Variants in XPR1 observed in about 807,000 individuals in gnomAD.
XPR1 encodes xenotropic and polytropic retrovirus receptor 1.
In XPR1, 28 loss-of-function variants were observed where a neutral mutation model predicts 87.5. The observed-to-expected ratio is 0.32, with a 90% CI of 0.24 to 0.44. The LOEUF is 0.44. Among genes scored for constraint, XPR1 ranks in the 20% least tolerant of loss-of-function variants. XPR1 has a pLI of 1.00. For synonymous variants in XPR1, 300 were observed against 306.1 expected, an observed-to-expected ratio of 0.98 and a Z score of 0.21; for missense variants, 559 against 862.3, an observed-to-expected ratio of 0.65 and a Z score of 4.41.
At chr1:180,761,096 A>C (rs996189230) in intron 2 of XPR1, among the ~76,000 whole-genome samples, 1 of 152,174 alleles carries the variant, frequency 6.6e-6, no homozygotes, top group Non-Finnish European at 1.5e-5. Flanking sequence ...CCTTCCTTAC[A>C]CCTTATAGAA....
chr1:180,664,551 T>A (rs1297620207), intron 1 of XPR1, among the ~76,000 whole-genome samples: 1 of 152,136 alleles, frequency 6.6e-6, no homozygotes, highest in Non-Finnish European at 1.5e-5. Flanking sequence ...CCCTACCCTC[T>A]CTTCACACAG....
intron 1 of XPR1, among the ~76,000 whole-genome samples, chr1:180,673,588 C>T (rs999775590): frequency 2.1e-4 from 32 of 152,218 alleles, no homozygotes; most frequent in Non-Finnish European, 1.9e-4. Context: ...GTGTGTATTA[C>T]CGCCTGAGCT....
At chr1:180,660,050 T>C (rs1655712334) in intron 1 of XPR1, among the ~76,000 whole-genome samples, 1 of 152,168 alleles carries the variant, frequency 6.6e-6, no homozygotes, top group African/African-American at 2.4e-5. Flanking sequence ...TCTTACTTGT[T>C]ATTGGTCTGT....
intron 2 of XPR1, among the ~76,000 whole-genome samples, chr1:180,728,409 C>T (rs1658435613): frequency 6.6e-6 from 1 of 151,672 alleles, no homozygotes; most frequent in Admixed American, 6.6e-5. Flanking sequence ...AAGGAAAATG[C>T]AATTACTTAG....
chr1:180,715,822 G>A lies in XPR1; in HGVS notation c.121+33411G>A, dbSNP rs566801360. Among the ~76,000 whole-genome samples the A allele has an allele frequency of 1.4e-3, 217 of 152,074 alleles. 1 individual carries two copies. Among genetic ancestry groups the A allele is most frequent in the South Asian group, 2.9e-3 (14 of 4,804 alleles). ...TGAGTAGCTGGAATTACAAGTGTGC[G>A]CCCCCACACCCAGCTAATTTTTGTA... is the stretch of plus-strand genomic sequence containing the variant. On this transcript the variant is annotated intron_variant, in intron 2 of 14. Coordinates refer to ENST00000367590, the MANE Select transcript of XPR1 (RefSeq NM_004736.4).
At chr1:180,846,931 G>A (rs1651705209) in intron 11 of XPR1, among the ~76,000 whole-genome samples, 1 of 151,364 alleles carries the variant, frequency 6.6e-6, no homozygotes, top group African/African-American at 2.4e-5. Flanking sequence ...TTGATAAGTA[G>A]CATTTGTATT....
At chr1:180,741,896 T>G (rs1658934142) in intron 2 of XPR1, among the ~76,000 whole-genome samples, 2 of 152,238 alleles carry the variant, frequency 1.3e-5, no homozygotes, top group African/African-American at 4.8e-5. Context: ...TTTGAGGAAT[T>G]GATCTGTTTT....
chr1:180,787,367 T>C (rs1200427546), intron 2 of XPR1, among the ~76,000 whole-genome samples: 1 of 151,828 alleles, frequency 6.6e-6, no homozygotes, highest in African/African-American at 2.4e-5. Flanking sequence ...AGTGGTGCAA[T>C]CTTGGCTCAC....
At chr1:180,662,902 GTTA>G (rs140913627) in intron 1 of XPR1, among the ~76,000 whole-genome samples, 5,163 of 152,012 alleles carry the variant, frequency 0.034, 130 homozygotes, top group African/African-American at 0.07. Flanking sequence ...GATCACTTCT[GTTA>G]TTAAGAGACT....
intron 1 of XPR1, among the ~76,000 whole-genome samples, chr1:180,665,952 CCTAA>C (rs1015183882): frequency 3.3e-5 from 5 of 152,116 alleles, no homozygotes; most frequent in South Asian, 4.1e-4. Context: ...CTCTGCCTCC[CCTAA>C]CTATGATTTT....
At chr1:180,792,222 T>C (rs1332318543) in intron 3 of XPR1, among the ~76,000 whole-genome samples, 1 of 152,210 alleles carries the variant, frequency 6.6e-6, no homozygotes, top group African/African-American at 2.4e-5. Context: ...CTCCACCCAC[T>C]TATATCTCAC....
chr1:180,839,843 A>T (rs75502662), intron 11 of XPR1, among the ~76,000 whole-genome samples: 2,478 of 152,316 alleles, frequency 0.016, 36 homozygotes, highest in Non-Finnish European at 0.027. Context: ...GGAGATTCTA[A>T]TGAAAGAAAA....
At chr1:180,685,018 C>G (rs1378590257) in intron 2 of XPR1, among the ~76,000 whole-genome samples, 1 of 151,988 alleles carries the variant, frequency 6.6e-6, no homozygotes, top group Non-Finnish European at 1.5e-5. Context: ...ACTTCCAACA[C>G]TATGTTGAAT....
At chr1:180,789,407 A>G (rs1357435972) in intron 3 of XPR1, among the ~76,000 whole-genome samples, 1 of 151,758 alleles carries the variant, frequency 6.6e-6, no homozygotes. Context: ...CTCTCCTCTA[A>G]AATACTAAAA....
At chr1:180,793,866 C>A (rs1649473401) in intron 3 of XPR1, among the ~76,000 whole-genome samples, 1 of 151,916 alleles carries the variant, frequency 6.6e-6, no homozygotes, top group Non-Finnish European at 1.5e-5. Flanking sequence ...TTTCTCTTTC[C>A]TTCCTTCCTT....
intron 9 of XPR1, among the ~76,000 whole-genome samples, chr1:180,831,101 A>G (rs1651045044): frequency 6.6e-6 from 1 of 152,228 alleles, no homozygotes; most frequent in Admixed American, 6.5e-5. Context: ...TTACCATGTC[A>G]TTAGTGAAAA....
At chr1:180,720,223 ATAAT>A (rs1179111572) in intron 2 of XPR1, among the ~76,000 whole-genome samples, 4 of 152,200 alleles carry the variant, frequency 2.6e-5, no homozygotes, top group East Asian at 1.9e-4. Context: ...AAAATAAAAA[ATAAT>A]TAAACCAAGG....
At chr1:180,781,261 C>T (rs1461913927) in intron 2 of XPR1, among the ~76,000 whole-genome samples, 1 of 151,596 alleles carries the variant, frequency 6.6e-6, no homozygotes, top group Admixed American at 6.6e-5. Context: ...GGAGCACATA[C>T]TGTGTACCAG....
At chr1:180,678,522 C>T (rs1284391808) in intron 1 of XPR1, among the ~76,000 whole-genome samples, 2 of 152,118 alleles carry the variant, frequency 1.3e-5, no homozygotes, top group Non-Finnish European at 2.9e-5. Context: ...TATTGTATTG[C>T]TTCAAATTCT....
Sources: gnomAD v4.1 joint callset for allele counts (sites outside exome capture counted in the v4.1 genomes callset) on GRCh38, gnomAD v4.1.1 for gene constraint, MANE v1.5 for transcripts, NCBI Gene and HGNC (gene_info 2026-07-23, HGNC 2026-07-21) for gene names.